Variants in FLT1 observed in about 807,000 individuals in gnomAD.
FLT1 encodes vascular endothelial growth factor receptor 1.
FLT1 carries 49 observed loss-of-function variants against 156.3 expected under a neutral mutation model. The ratio of observed to expected loss-of-function variants is 0.31; its 90% CI spans 0.25 to 0.40. The LOEUF (loss-of-function observed/expected upper bound fraction) is 0.40. FLT1 is among the 10% of genes least tolerant of loss of function. The pLI is 1.00. For missense variants in FLT1, 1,322 were observed against 1,637.2 expected, an observed-to-expected ratio of 0.81 and a Z score of 3.32; for synonymous variants, 594 against 583.8, an observed-to-expected ratio of 1.02 and a Z score of -0.25.
At chr13:28,410,873 A>G (rs568072283) in intron 10 of FLT1, among the ~76,000 whole-genome samples, 18 of 152,308 alleles carry the variant, frequency 1.2e-4, no homozygotes, top group African/African-American at 4.3e-4. Context: ...AATTAGGATC[A>G]GAACCCAGAC....
chr13:28,405,880 G>C lies in FLT1; in HGVS notation c.1451C>G (p.Ser484Cys), dbSNP rs773424514. The C allele has an allele frequency of 6.3e-7, 1 of 1,597,240 alleles. No individual in the cohort carries two copies. Among genetic ancestry groups the C allele is most frequent in the East Asian group, 2.2e-5 (1 of 44,778 alleles). ...NHSEARCDFC[S>C]NNEESFILDA... ...CAGGATAAAGGACTCTTCATTATTGGAACAAAAGTCACACCTATTAAAAAA... is the reference window on the plus strand; with the variant it reads ...CAGGATAAAGGACTCTTCATTATTGCAACAAAAGTCACACCTATTAAAAAA... The change falls in exon 11 of 30, where the codon TCC becomes TGC. Residue 484 changes from serine to cysteine, a missense_variant. Coordinates refer to ENST00000282397, the MANE Select transcript of FLT1 (RefSeq NM_002019.4).
Position 28,439,107 on chromosome 13 carries a change from G to A in FLT1, c.389-762C>T, listed in dbSNP as rs1199374520. On this transcript the variant is annotated intron_variant, in intron 3 of 29. Coordinates refer to ENST00000282397, the MANE Select transcript of FLT1 (RefSeq NM_002019.4). The surrounding 1 kb of genome is among the most constrained non-coding windows in gnomAD (Gnocchi z 4.1). ...GCGTGGCATTTGGCCAGTCTCAGAG[G>A]CAAGGAGGATTCAAACACCTGTTCA... Among the ~76,000 whole-genome samples, 3 of 152,150 alleles carry A rather than the reference G, an allele frequency of 2.0e-5. No individual in the cohort carries two copies. Among genetic ancestry groups the A allele is most frequent in the Non-Finnish European group, 4.4e-5 (3 of 68,022 alleles).
chr13:28,494,755 GC>G (rs2137683796), intron 1 of FLT1, 24 bp downstream of exon 1: 1 of 1,540,198 alleles, frequency 6.5e-7, no homozygotes, highest in East Asian at 2.4e-5. Flanking sequence ...CCCGCCTCAG[GC>G]CCCGGCCCCC....
intron 10 of FLT1, among the ~76,000 whole-genome samples, chr13:28,411,179 C>T (rs9551468): frequency 6.6e-6 from 1 of 151,692 alleles, no homozygotes; most frequent in African/African-American, 2.4e-5. Flanking sequence ...AATTCTAGTT[C>T]GTTTTGGTCA....
At chr13:28,452,945 T>A (rs960061746) in intron 3 of FLT1, among the ~76,000 whole-genome samples, 9 of 148,170 alleles carry the variant, frequency 6.1e-5, no homozygotes, top group Non-Finnish European at 1.5e-5. Context: ...AAACAGCAAG[T>A]CTGGCACCAC....
At position 28,405,815 on chromosome 13, in the gene FLT1, T is replaced by C. The variant is rs763606119; in HGVS notation, c.1516A>G (p.Thr506Ala). 3.8e-5 allele frequency: 61 copies of C among 1,606,722 alleles called. No homozygotes were observed. The highest frequency in any genetic ancestry group is 4.9e-5 in the Non-Finnish European group (57 of 1,173,974). The part of the protein sequence containing the change: ...SNMGNRIESI[T>A]QRMAIIEGKN... ...CCTTCTATTATTGCCATGCGCTGAGTGATGCTCTCAATTCTGTTTCCCATG... is the reference window on the plus strand; with the variant it reads ...CCTTCTATTATTGCCATGCGCTGAGCGATGCTCTCAATTCTGTTTCCCATG... The change falls in exon 11 of 30, where the codon ACT (threonine) becomes GCT (alanine). Residue 506 changes from threonine to alanine, a missense_variant. This residue lies in a region of FLT1 where 991 missense variants were observed against 1,254.8 expected (regional missense o/e 0.79). Coordinates refer to ENST00000282397, the MANE Select transcript of FLT1 (RefSeq NM_002019.4).
Position 28,301,693 on chromosome 13 carries a change from G to C in FLT1, c.*1474C>G, listed in dbSNP as rs1265051894. 1 of 233,190 alleles carries C rather than the reference G, an allele frequency of 4.3e-6. No individual in the cohort carries two copies. The allele number at this position is 233,190 out of a possible 1,614,324, so 14.4% of individuals were successfully genotyped here. ...TAACTTGCATAAATAGCATCAAACA[G>C]AGCCAGCTTAGCGATCCAAGGCCCA... is the stretch of plus-strand genomic sequence containing the variant. On this transcript the variant is annotated 3_prime_UTR_variant, in exon 30 of 30. Transcript: ENST00000282397.
At chr13:28,417,765 C>G (rs34961350) in intron 10 of FLT1, among the ~76,000 whole-genome samples, 27,317 of 151,674 alleles carry the variant, frequency 0.18, 3,081 homozygotes, top group South Asian at 0.41. Context: ...AAGAGCACGC[C>G]ACTGTGCCTG....
chr13:28,321,594 A>C lies in FLT1; in HGVS notation c.3052-9T>G. 6.2e-7 allele frequency: 1 copy of C among 1,613,976 alleles called. No homozygotes were observed. Among genetic ancestry groups the C allele is most frequent in the Non-Finnish European group, 8.5e-7 (1 of 1,179,854 alleles). On this transcript the variant is annotated splice_polypyrimidine_tract_variant and intron_variant, in intron 22 of 29. Coordinates refer to ENST00000282397, the MANE Select transcript of FLT1 (RefSeq NM_002019.4). ...AGGTCCCGATGAATGCACTATAATA[A>C]AACAGTTGCATAATCAATGCATTTC...
chr13:28,347,478 A>T (rs1872607480), intron 15 of FLT1, among the ~76,000 whole-genome samples: 1 of 151,974 alleles, frequency 6.6e-6, no homozygotes, highest in Non-Finnish European at 1.5e-5. Flanking sequence ...CTGAGATCGC[A>T]CCACTGCACT....
chr13:28,476,129 G>GCACA (rs10651628), intron 1 of FLT1, among the ~76,000 whole-genome samples: 1 of 151,102 alleles, frequency 6.6e-6, no homozygotes, highest in African/African-American at 2.4e-5. Flanking sequence ...ACACACACAT[G>GCACA]CACACACACA....
chr13:28,473,838 GGAAGAAAGAAAGAAAGAAAGA>G (rs1880387686), intron 1 of FLT1, among the ~76,000 whole-genome samples: 2 of 121,108 alleles, frequency 1.7e-5, no homozygotes, highest in Admixed American at 1.7e-4. Context: ...AAGAAAGAAA[GGAAGAAAGAAAGAAAGAAAGA>G]AAGAACCCAA....
At chr13:28,336,742 CTTTTTTTTTTTTT>C (rs548520953) in intron 17 of FLT1, among the ~76,000 whole-genome samples, 4 of 130,212 alleles carry the variant, frequency 3.1e-5, no homozygotes, top group Non-Finnish European at 4.9e-5. Flanking sequence ...ATTATTCTAA[CTTTTTTTTTTTTT>C]TTTTTTTTTG....
intron 3 of FLT1, among the ~76,000 whole-genome samples, chr13:28,451,735 T>A (rs898804888): frequency 6.6e-6 from 1 of 152,202 alleles, no homozygotes; most frequent in Non-Finnish European, 1.5e-5. Context: ...CACGGGACTC[T>A]CTAGGGCTCA....
intron 14 of FLT1, among the ~76,000 whole-genome samples, chr13:28,366,595 G>T (rs556665000): frequency 1.3e-5 from 2 of 152,004 alleles, no homozygotes; most frequent in South Asian, 4.2e-4. Context: ...TCAGCCTCCT[G>T]AGTAGCTGGG....
chr13:28,368,401 C>A, intron 14 of FLT1: 2 of 1,335,192 alleles, frequency 1.5e-6, no homozygotes, highest in South Asian at 3.1e-5. Context: ...ATCCACCTGC[C>A]TTGGCCTCCC....
At chr13:28,371,766 G>A (rs1873579223) in intron 14 of FLT1, among the ~76,000 whole-genome samples, 1 of 152,004 alleles carries the variant, frequency 6.6e-6, no homozygotes, top group South Asian at 2.1e-4. Flanking sequence ...TTAAGTTTGT[G>A]GGTAGAAGGC....
intron 3 of FLT1, among the ~76,000 whole-genome samples, chr13:28,454,931 TAA>T (rs900852269): frequency 7.9e-5 from 12 of 152,150 alleles, no homozygotes; most frequent in African/African-American, 2.7e-4. Context: ...CACCTAGACA[TAA>T]GTCTATCAAA....
chr13:28,370,601 T>C lies in FLT1; in HGVS notation c.2117-12916A>G, dbSNP rs538442729. Among the ~76,000 whole-genome samples, 5 of 152,378 alleles carry C rather than the reference T, an allele frequency of 3.3e-5. No individual in the cohort carries two copies. In the South Asian group the frequency reaches 8.3e-4, roughly 25 times the overall value. ...AAAATGAAAGCATCTTTGTGCGCTT[T>C]CACTGTGAACTTTGCTCTTGTTCTA... On this transcript the variant is annotated intron_variant, in intron 14 of 29. Coordinates refer to ENST00000282397, the MANE Select transcript of FLT1 (RefSeq NM_002019.4).
Sources: allele counts gnomAD v4.1 joint callset (sites outside exome capture counted in the v4.1 genomes callset), GRCh38; gene constraint gnomAD v4.1.1; regional missense constraint gnomAD v4.1.1; non-coding constraint Gnocchi (gnomAD v3.1); transcripts MANE v1.5; gene names NCBI Gene and HGNC (gene_info 2026-07-23, HGNC 2026-07-21).